CALN1: variants seen among roughly 807,000 people sequenced by gnomAD.
CALN1 encodes calcium-binding protein 8.
In CALN1, 17 loss-of-function variants were observed where a neutral mutation model predicts 30.6. The observed-to-expected ratio is 0.56, with a 90% CI of 0.38 to 0.83. CALN1 has a LOEUF of 0.83. CALN1 is among the 40% of genes least tolerant of loss of function. CALN1 has a pLI of 0.00. For missense variants in CALN1, 291 were observed against 354.9 expected (o/e 0.82, Z 1.45); for synonymous variants, 156 against 131.4 (o/e 1.19, Z -1.28).
chr7:72,017,034 C>A (rs1351877235), intron 5 of CALN1, among the ~76,000 whole-genome samples: 1 of 117,740 alleles, frequency 8.5e-6, no homozygotes, highest in African/African-American at 4.4e-5. Context: ...TATGGTGGCA[C>A]ACACCTGTAG....
intron 3 of CALN1, among the ~76,000 whole-genome samples, chr7:72,106,730 G>A (rs867783607): frequency 0.33 from 6,366 of 19,050 alleles, 1,980 homozygotes; most frequent in East Asian, 0.67. Context: ...GGGAGGGAGG[G>A]AGGAAGGGAG....
At chr7:72,256,958 C>T (rs1037831043) in intron 3 of CALN1, among the ~76,000 whole-genome samples, 2 of 152,124 alleles carry the variant, frequency 1.3e-5, no homozygotes, top group African/African-American at 2.4e-5. Context: ...GATTATATTC[C>T]CCACTGTATT....
intron 3 of CALN1, among the ~76,000 whole-genome samples, chr7:72,217,832 A>ATTTTTT (rs35736777): frequency 5.9e-5 from 4 of 67,326 alleles, no homozygotes; most frequent in Non-Finnish European, 7.6e-5. Flanking sequence ...AATTAAATAA[A>ATTTTTT]TTTTTTTTTT....
chr7:71,855,177 C>G (rs1254345899), intron 5 of CALN1, among the ~76,000 whole-genome samples: 2 of 152,180 alleles, frequency 1.3e-5, no homozygotes, highest in East Asian at 3.9e-4. Context: ...AATATGCATT[C>G]TAGCGTCGTT....
chr7:72,301,594 C>G (rs1326965829), intron 2 of CALN1, among the ~76,000 whole-genome samples: 1 of 94,612 alleles, frequency 1.1e-5, no homozygotes, highest in Non-Finnish European at 1.9e-5. Flanking sequence ...GGCGACAGAG[C>G]AAAGACTTTG....
rs1554390885 is a variant in CALN1 at position 72,369,354 on chromosome 7, A to ATT, written c.119+33895_119+33896dup. Among the ~76,000 whole-genome samples, 43 of 7,006 alleles carry ATT rather than the reference A, an allele frequency of 6.1e-3. No individual in the cohort carries two copies. In the Admixed American group the frequency reaches 0.077, roughly 13 times the overall value. 4.6% of individuals were successfully genotyped at this position (7,006 alleles called of 152,430 possible). The stretch of plus-strand genomic sequence containing the variant: ...TAATTTATAAATATTATAAATATTT[A>ATT]TTTTTTTGTTGTTGTTGTTTGTTTT... On this transcript the variant is annotated intron_variant, in intron 2 of 6. Coordinates refer to ENST00000395275, the MANE Select transcript of CALN1 (RefSeq NM_031468.4).
At chr7:72,072,823 T>G (rs1804491562) in intron 4 of CALN1, among the ~76,000 whole-genome samples, 1 of 152,204 alleles carries the variant, frequency 6.6e-6, no homozygotes, top group African/African-American at 2.4e-5. Flanking sequence ...TAAGCTGGTA[T>G]AAATCCAAAT....
chr7:71,824,049 G>A (rs760057697), intron 5 of CALN1, among the ~76,000 whole-genome samples: 1 of 152,084 alleles, frequency 6.6e-6, no homozygotes. Context: ...TACAATTCAA[G>A]ATGAGATTTG....
chr7:72,042,351 A>T (rs1802182863), intron 4 of CALN1, among the ~76,000 whole-genome samples: 1 of 152,188 alleles, frequency 6.6e-6, no homozygotes, highest in African/African-American at 2.4e-5. Flanking sequence ...CTTCTGAAGG[A>T]TCCAGAGTGT....
intron 2 of CALN1, among the ~76,000 whole-genome samples, chr7:72,283,916 A>G (rs1249315062): frequency 2.0e-5 from 3 of 152,152 alleles, no homozygotes; most frequent in Non-Finnish European, 4.4e-5. Flanking sequence ...CATATCAAAG[A>G]AAAGATCTTG....
At chr7:71,939,337 C>T (rs1190466345) in intron 5 of CALN1, among the ~76,000 whole-genome samples, 1 of 149,114 alleles carries the variant, frequency 6.7e-6, no homozygotes, top group Non-Finnish European at 1.5e-5. Context: ...GTGGATGGGT[C>T]ACTTGATACT....
intron 3 of CALN1, among the ~76,000 whole-genome samples, chr7:72,117,160 A>G (rs1436861434): frequency 3.3e-5 from 5 of 152,234 alleles, no homozygotes; most frequent in African/African-American, 9.6e-5. Context: ...AAAAAATTAA[A>G]AACCAAATTA....
At chr7:72,404,131 G>A (rs1806538535) in intron 1 of CALN1, among the ~76,000 whole-genome samples, 1 of 152,136 alleles carries the variant, frequency 6.6e-6, no homozygotes. Context: ...CAGCTCAGGT[G>A]TCACCTCTTC....
At chr7:71,935,009 TG>T (rs1351694022) in intron 5 of CALN1, among the ~76,000 whole-genome samples, 2 of 152,108 alleles carry the variant, frequency 1.3e-5, no homozygotes, top group East Asian at 3.8e-4. Flanking sequence ...CAACAACACA[TG>T]GAAATTATGG....
At chr7:72,431,205 C>T (rs558768982) in intron 1 of CALN1, among the ~76,000 whole-genome samples, 21 of 152,152 alleles carry the variant, frequency 1.4e-4, no homozygotes, top group Admixed American at 7.2e-4. Flanking sequence ...GCTGGGATTA[C>T]GGGCATAAGC....
intron 3 of CALN1, among the ~76,000 whole-genome samples, chr7:72,221,420 C>T (rs928091811): frequency 6.7e-6 from 1 of 148,524 alleles, no homozygotes; most frequent in East Asian, 2.0e-4. Context: ...TGGATTCAAG[C>T]AACTCTCCTG....
chr7:72,328,453 C>T (rs1801436062), intron 2 of CALN1, among the ~76,000 whole-genome samples: 2 of 152,314 alleles, frequency 1.3e-5, no homozygotes, highest in South Asian at 4.1e-4. Context: ...TGTGAGGCCT[C>T]CCAGGCATGT....
intron 5 of CALN1, among the ~76,000 whole-genome samples, chr7:71,875,930 G>T (rs1792218520): frequency 6.6e-6 from 1 of 152,124 alleles, no homozygotes; most frequent in Non-Finnish European, 1.5e-5. Context: ...AAGTGTCCCT[G>T]ACCATGAGCA....
intron 2 of CALN1, among the ~76,000 whole-genome samples, chr7:72,306,133 G>A (rs983414905): frequency 1.3e-5 from 2 of 151,940 alleles, no homozygotes; most frequent in Admixed American, 1.3e-4. Context: ...AACTGACACT[G>A]GTATAACATG....
Sources: gnomAD v4.1 joint callset for allele counts (sites outside exome capture counted in the v4.1 genomes callset) on GRCh38, gnomAD v4.1.1 for gene constraint, MANE v1.5 for transcripts, NCBI Gene and HGNC (gene_info 2026-07-23, HGNC 2026-07-21) for gene names.